SLC35F4: variants seen among roughly 807,000 people sequenced by gnomAD.
SLC35F4 encodes solute carrier family 35 member F4.
In SLC35F4, 24 loss-of-function variants were observed where a neutral mutation model predicts 44.2. The observed-to-expected ratio is 0.54, with a 90% confidence interval of 0.39 to 0.76. The LOEUF is 0.76. SLC35F4 is among the 30% of genes least tolerant of loss of function. The probability of loss-of-function intolerance (pLI) is 0.00; values close to 1 mark genes in which losing one functional copy is unlikely to be tolerated. For synonymous variants in SLC35F4, 238 were observed against 223.6 expected (o/e 1.06, Z -0.57); for missense variants, 562 against 586.1 (o/e 0.96, Z 0.42).
intron 1 of SLC35F4, among the ~76,000 whole-genome samples, chr14:57,939,790 T>A (rs1389524199): frequency 2.0e-5 from 3 of 152,232 alleles, no homozygotes; most frequent in South Asian, 2.1e-4. Context: ...ATTACATTTT[T>A]CTCTAAACAT....
At chr14:57,612,710 T>A (rs1201886284) in intron 1 of SLC35F4, among the ~76,000 whole-genome samples, 1 of 152,220 alleles carries the variant, frequency 6.6e-6, no homozygotes, top group East Asian at 1.9e-4. Context: ...TATGCTCTAC[T>A]GTGTTCAGTA....
chr14:57,643,241 G>C (rs976325235), intron 1 of SLC35F4, among the ~76,000 whole-genome samples: 1 of 151,920 alleles, frequency 6.6e-6, no homozygotes, highest in Non-Finnish European at 1.5e-5. Flanking sequence ...ATTAAGACTT[G>C]ATATGACATT....
chr14:57,701,116 C>T (rs761060902), intron 1 of SLC35F4, among the ~76,000 whole-genome samples: 19 of 152,036 alleles, frequency 1.2e-4, no homozygotes, highest in Admixed American at 1.2e-3. Flanking sequence ...GGATTATAGG[C>T]GTAAGCCACC....
rs959983524 is a variant in SLC35F4, at chr14:57,866,029, G to A, written c.-204C>T. The A allele has an allele frequency of 6.6e-5, 21 of 319,740 alleles. No individual in the cohort carries two copies. The highest frequency in any genetic ancestry group is 9.9e-5 in the Non-Finnish European group (18 of 180,916). The allele number at this position is 319,740 out of a possible 1,614,324, so 19.8% of individuals were successfully genotyped here. On this transcript the variant is annotated 5_prime_UTR_variant, in exon 1 of 8. Transcript: ENST00000556826. ...GGCGGCGGCGGAGCGGCCCCCACTC[G>A]GGCCGGCCTCTCCGTCAGCCTGGCA...
In SLC35F4 at chr14:57,571,964, T is replaced by C. The variant is rs1267463048; in HGVS notation, c.863A>G (p.Asn288Ser). The C allele has an allele frequency of 1.9e-6, 3 of 1,612,412 alleles. No individual in the cohort carries two copies. The highest frequency in any genetic ancestry group is 4.5e-5 in the East Asian group (2 of 44,812). ...TCCTATGATGGAATCAGCGTGGAAA[T>C]TATCTGCATATGCCATCATGACAAT... ...TGIVMMAYAD[N>S]FHADSIIGVA... The change falls in exon 5 of 8, where the codon AAT becomes AGT. Residue 288 changes from asparagine to serine, a missense_variant. Physicochemically the swap from Asn to Ser is conservative, Grantham distance 46. Coordinates refer to ENST00000556826, the MANE Select transcript of SLC35F4 (RefSeq NM_001306087.2).
At chr14:57,597,834 A>G (rs899045680) in intron 1 of SLC35F4, among the ~76,000 whole-genome samples, 1 of 152,184 alleles carries the variant, frequency 6.6e-6, no homozygotes, top group Admixed American at 6.5e-5. Flanking sequence ...AGAGTATTGG[A>G]AATCCCATTC....
rs57769066 is a variant in SLC35F4, at chr14:57,914,570, G to GAA, written n.282+67341_282+67342dup. 6.4e-5 allele frequency among the ~76,000 whole-genome samples: 9 copies of GAA among 140,082 alleles called. No homozygotes were observed. In the East Asian group the frequency reaches 1.5e-3, roughly 23 times the overall value. 91.9% of individuals were successfully genotyped at this position (140,082 alleles called of 152,430 possible). ...ATAGCGAGACTCCGCCTCATAAAAA[G>GAA]AAAAAAAAAAACCACAGTCTCTCAA... On this transcript the variant is annotated intron_variant and non_coding_transcript_variant, in intron 1 of 1. Transcript: ENST00000556568.
At chr14:57,746,620 T>A (rs1360911926) in intron 1 of SLC35F4, among the ~76,000 whole-genome samples, 1 of 149,208 alleles carries the variant, frequency 6.7e-6, no homozygotes, top group African/African-American at 2.4e-5. Flanking sequence ...TTGTCATATC[T>A]TTGTTAAAAA....
chr14:57,587,721 T>C (rs921240448), intron 3 of SLC35F4, among the ~76,000 whole-genome samples: 1 of 152,098 alleles, frequency 6.6e-6, no homozygotes. Flanking sequence ...TGTATACCCA[T>C]GTAACAAAGC....
chr14:57,810,023 G>A lies in SLC35F4; in HGVS notation c.103+55700C>T, dbSNP rs79730763. The stretch of plus-strand genomic sequence containing the variant: ...TATGGTCATGCTTAGGTAAAAGAAC[G>A]ATCTACTGTCATTTTAAATCACTAT... On this transcript the variant is annotated intron_variant, in intron 1 of 7. Coordinates refer to ENST00000556826, the MANE Select transcript of SLC35F4 (RefSeq NM_001306087.2). 6.2e-3 allele frequency among the ~76,000 whole-genome samples: 945 copies of A among 152,248 alleles called. 9 individuals carry two copies. Among genetic ancestry groups the A allele is most frequent in the African/African-American group, 0.021 (876 of 41,536 alleles).
At chr14:57,870,542 A>C (rs1038632075), upstream of SLC35F4, among the ~76,000 whole-genome samples, 15 of 152,330 alleles carry the variant, frequency 9.8e-5, no homozygotes, top group East Asian at 2.7e-3. Flanking sequence ...AGTAAGCATC[A>C]TATATATTAG....
intron 1 of SLC35F4, among the ~76,000 whole-genome samples, chr14:57,778,753 C>A (rs889235100): frequency 1.3e-4 from 19 of 148,716 alleles, no homozygotes; most frequent in Admixed American, 2.0e-4. Context: ...AAAAAAAAAA[C>A]AAAATTATAC....
intron 1 of SLC35F4, among the ~76,000 whole-genome samples, chr14:57,842,693 G>T (rs1279613715): frequency 6.6e-6 from 1 of 152,024 alleles, no homozygotes; most frequent in Non-Finnish European, 1.5e-5. Context: ...CAGCTCAAAG[G>T]CTTGAAATTC....
intron 1 of SLC35F4, among the ~76,000 whole-genome samples, chr14:57,943,503 C>T (rs1454988810): frequency 6.6e-6 from 1 of 152,164 alleles, no homozygotes. Flanking sequence ...TTTCCTTTCT[C>T]TCATATAGTT....
At chr14:57,638,648 T>G (rs753276026) in intron 1 of SLC35F4, among the ~76,000 whole-genome samples, 1 of 152,140 alleles carries the variant, frequency 6.6e-6, no homozygotes, top group Non-Finnish European at 1.5e-5. Context: ...TCAGTCGACA[T>G]GTGTTTTATA....
At chr14:57,833,167 T>G (rs1029237406) in intron 1 of SLC35F4, among the ~76,000 whole-genome samples, 1 of 152,198 alleles carries the variant, frequency 6.6e-6, no homozygotes, top group African/African-American at 2.4e-5. Context: ...ACCATCATCA[T>G]CCTTGTTATC....
chr14:57,926,228 C>A (rs1889566089), intron 1 of SLC35F4, among the ~76,000 whole-genome samples: 3 of 152,280 alleles, frequency 2.0e-5, no homozygotes, highest in Non-Finnish European at 4.4e-5. Flanking sequence ...TGTCACTAAC[C>A]TTTTTACACC....
chr14:57,747,469 A>C (rs753357245), intron 1 of SLC35F4, among the ~76,000 whole-genome samples: 4 of 152,200 alleles, frequency 2.6e-5, no homozygotes, highest in Non-Finnish European at 5.9e-5. Flanking sequence ...AATAGGATGC[A>C]AGAGTAAAGA....
chr14:57,857,445 A>G (rs1887219813), intron 1 of SLC35F4, among the ~76,000 whole-genome samples: 1 of 151,698 alleles, frequency 6.6e-6, no homozygotes, highest in Non-Finnish European at 1.5e-5. Context: ...CATTGCTGGT[A>G]TTTTTTTTCT....
Sources: allele counts gnomAD v4.1 joint callset (sites outside exome capture counted in the v4.1 genomes callset), GRCh38; gene constraint gnomAD v4.1.1; transcripts MANE v1.5; gene names NCBI Gene and HGNC (gene_info 2026-07-23, HGNC 2026-07-21).